Variants in BBS2 observed in about 807,000 individuals in gnomAD.
BBS2 encodes the protein BBSome complex member BBS2.
In BBS2, 62 loss-of-function variants were observed where a neutral mutation model predicts 83.0. That is an observed-to-expected ratio of 0.75 (90% CI 0.61 to 0.92). The LOEUF (loss-of-function observed/expected upper bound fraction) is 0.92, where lower values mean the gene tolerates loss of function less well. Ranked by LOEUF, BBS2 falls within the 40% of genes least tolerant of loss-of-function variation. BBS2 has a pLI of 0.00. For missense variants in BBS2, 784 were observed against 901.0 expected, an observed-to-expected ratio of 0.87 and a Z score of 1.66; for synonymous variants, 303 against 326.1, an observed-to-expected ratio of 0.93 and a Z score of 0.76.
At chr16:56,498,199 G>C (rs1355801188) in intron 13 of BBS2, among the ~76,000 whole-genome samples, 2 of 152,156 alleles carry the variant, frequency 1.3e-5, no homozygotes, top group Non-Finnish European at 2.9e-5. Flanking sequence ...GCAGAAAACA[G>C]CTATTCCAAA....
At chr16:56,501,827 AC>A (rs1314594093) in intron 9 of BBS2, 5 of 389,686 alleles carry the variant, frequency 1.3e-5, no homozygotes, top group African/African-American at 1.0e-4. Context: ...GCATTACAGG[AC>A]AAATTAAAGG....
chr16:56,477,537 A>G (rs189113964), intron 17 of BBS2: 6 of 152,338 alleles, frequency 3.9e-5, no homozygotes, highest in Admixed American at 3.9e-4. Context: ...GGTCAACTAT[A>G]TAACTAATTG....
chr16:56,497,734 T>C lies in BBS2; in HGVS notation c.1797+9A>G, dbSNP rs749065639. The C allele has an allele frequency of 4.3e-6, 7 of 1,613,244 alleles. No individual in the cohort carries two copies. The South Asian group carries it at 7.7e-5, about 18-fold the overall frequency. ...CATTCTCACAAATGCATCTACCGCA[T>C]TCCCTCACCTTAACTAGCACCTTTC... On this transcript the variant is annotated intron_variant, in intron 14 of 16. Coordinates refer to ENST00000245157, the MANE Select transcript of BBS2 (RefSeq NM_031885.5).
chr16:56,513,315 A>G (rs901119996), intron 2 of BBS2, among the ~76,000 whole-genome samples: 2 of 152,242 alleles, frequency 1.3e-5, no homozygotes, highest in Admixed American at 6.5e-5. Context: ...ACGGTTAAAC[A>G]AATTACATTA....
intron 15 of BBS2, 30 bp downstream of exon 15, chr16:56,496,937 G>A (rs1964130336): frequency 5.4e-6 from 8 of 1,484,546 alleles, no homozygotes; most frequent in Non-Finnish European, 7.5e-6. Flanking sequence ...TTTTAACCCT[G>A]CACCTGTACT....
At chr16:56,501,080 G>A in intron 10 of BBS2, 55 bp from the exon 11 acceptor site, 1 of 1,586,326 alleles carries the variant, frequency 6.3e-7, no homozygotes, top group Non-Finnish European at 8.7e-7. Context: ...GGAAGCTGAG[G>A]TGGGCAGATC....
chr16:56,488,941 A>G (rs1296922668), intron 15 of BBS2, among the ~76,000 whole-genome samples: 4 of 152,180 alleles, frequency 2.6e-5, no homozygotes, highest in African/African-American at 7.2e-5. Context: ...GAATATCACA[A>G]TGAAATTTAT....
rs532703011 is a variant in BBS2, at chr16:56,470,521, G to C, written c.*175C>G. ...GAAAGCTGAGGAGAGTAAGCTTCCTGAGATATTGAAGGAGTGCATGAAGTT... is the reference window on the plus strand; with the variant it reads ...GAAAGCTGAGGAGAGTAAGCTTCCTCAGATATTGAAGGAGTGCATGAAGTT... On this transcript the variant is annotated 3_prime_UTR_variant, in exon 18 of 18. Transcript: ENST00000682047. 3.1e-6 allele frequency: 5 copies of C among 1,613,512 alleles called. No individual in the cohort carries two copies. The South Asian group carries it at 3.3e-5, about 11-fold the overall frequency.
At chr16:56,505,079 T>C (rs2144159072) in intron 7 of BBS2, among the ~76,000 whole-genome samples, 1 of 152,372 alleles carries the variant, frequency 6.6e-6, no homozygotes, top group South Asian at 2.1e-4. Flanking sequence ...AATAAATTTC[T>C]GTTGTTTATA....
chr16:56,512,537 C>G (rs535240450), intron 2 of BBS2, among the ~76,000 whole-genome samples: 26 of 152,104 alleles, frequency 1.7e-4, no homozygotes, highest in African/African-American at 6.3e-4. Flanking sequence ...TGTTGCTTAG[C>G]AACAACAACA....
chr16:56,489,989 C>T (rs900527761), intron 15 of BBS2, among the ~76,000 whole-genome samples: 23 of 149,560 alleles, frequency 1.5e-4, no homozygotes, highest in Non-Finnish European at 3.1e-4. Context: ...TGGTAGCACA[C>T]GCCTGTAGTC....
chr16:56,496,468 A>G (rs1444582848), intron 15 of BBS2, among the ~76,000 whole-genome samples: 2 of 152,162 alleles, frequency 1.3e-5, no homozygotes, highest in Admixed American at 6.5e-5. Flanking sequence ...TTCCCAAACT[A>G]TAGTTTACTC....
At chr16:56,471,286 G>A (rs779761250) in intron 17 of BBS2, among the ~76,000 whole-genome samples, 1 of 151,754 alleles carries the variant, frequency 6.6e-6, no homozygotes, top group Non-Finnish European at 1.5e-5. Context: ...CACTTGAACC[G>A]GGGAGGAGGA....
At chr16:56,494,947 G>A (rs1964072935) in intron 15 of BBS2, among the ~76,000 whole-genome samples, 1 of 148,746 alleles carries the variant, frequency 6.7e-6, no homozygotes, top group Non-Finnish European at 1.5e-5. Context: ...GGGCGACAGA[G>A]CGAGACTCCG....
At chr16:56,497,689 C>A in intron 14 of BBS2, 54 bp downstream of exon 14, 1 of 1,604,464 alleles carries the variant, frequency 6.2e-7, no homozygotes. Flanking sequence ...TTAATCTCCT[C>A]AAATATTATT....
chr16:56,472,414 G>T (rs769588134), intron 17 of BBS2, among the ~76,000 whole-genome samples: 1 of 152,202 alleles, frequency 6.6e-6, no homozygotes, highest in Non-Finnish European at 1.5e-5. Flanking sequence ...TGAAAGCAGA[G>T]TAGGGAATAC....
intron 5 of BBS2, among the ~76,000 whole-genome samples, chr16:56,509,128 A>C (rs572237007): frequency 7.2e-5 from 11 of 152,348 alleles, no homozygotes; most frequent in African/African-American, 2.6e-4. Context: ...AGCCCTACTG[A>C]ATACACATGA....
Position 56,519,880 on chromosome 16 carries a change from G to A in BBS2, c.-18C>T, listed in dbSNP as rs775691322. The stretch of plus-strand genomic sequence containing the variant: ...AGCAGCATGATGGCGGCGGCTTAGG[G>A]GAGGAGGGCTGGAAGCTGGAGACAA... On this transcript the variant is annotated 5_prime_UTR_variant, in exon 1 of 17. Transcript: ENST00000245157. 3 of 1,600,374 alleles carry A rather than the reference G, an allele frequency of 1.9e-6. No homozygotes were observed. The highest frequency in any genetic ancestry group is 2.2e-5 in the South Asian group (2 of 90,792).
At chr16:56,474,102 A>AT (rs1476854111) in intron 17 of BBS2, among the ~76,000 whole-genome samples, 2 of 151,990 alleles carry the variant, frequency 1.3e-5, no homozygotes, top group African/African-American at 2.4e-5. Context: ...GTAATAGTTC[A>AT]TTTTTTAATT....
Sources: allele counts gnomAD v4.1 joint callset (sites outside exome capture counted in the v4.1 genomes callset), GRCh38; gene constraint gnomAD v4.1.1; transcripts MANE v1.5; gene names NCBI Gene and HGNC (gene_info 2026-07-23, HGNC 2026-07-21).